Variants in GLRA3 observed in about 807,000 individuals in gnomAD.
The protein encoded by GLRA3 is glycine receptor alpha 3.
A neutral mutation model predicts 60.4 loss-of-function variants in GLRA3; 44 were observed. That is an observed-to-expected ratio of 0.73 (90% CI 0.57 to 0.94). The LOEUF is 0.94. Ranked by LOEUF, GLRA3 falls within the 40% of genes least tolerant of loss-of-function variation. The pLI is 0.00. For synonymous variants in GLRA3, 223 were observed against 192.9 expected, an observed-to-expected ratio of 1.16 and a Z score of -1.29; for missense variants, 508 against 564.6, an observed-to-expected ratio of 0.90 and a Z score of 1.02.
intron 5 of GLRA3, among the ~76,000 whole-genome samples, chr4:174,690,478 G>C (rs1017742842): frequency 6.6e-6 from 1 of 152,194 alleles, no homozygotes; most frequent in Non-Finnish European, 1.5e-5. Context: ...TTGTTGTGTA[G>C]TTTTTGTTTG....
At position 174,711,446 on chromosome 4, in the gene GLRA3, T is replaced by TATA. The variant is rs70947457; in HGVS notation, c.574+4041_574+4042insTAT. Among the ~76,000 whole-genome samples, 1,333 of 137,368 alleles carry TATA rather than the reference T, an allele frequency of 9.7e-3. 12 individuals carry two copies. Among genetic ancestry groups the TATA allele is most frequent in the African/African-American group, 0.014 (528 of 37,592 alleles). The allele number at this position is 137,368 out of a possible 152,430, so 90.1% of individuals were successfully genotyped here. On this transcript the variant is annotated intron_variant, in intron 5 of 9. Coordinates refer to ENST00000274093, the MANE Select transcript of GLRA3 (RefSeq NM_006529.4). The stretch of plus-strand genomic sequence containing the variant: ...TTTCCTAATTATATATATATATATA[T>TATA]TTTTTTTTTTTTTAGAGAGAGTCTC...
At chr4:174,690,993 C>G (rs996980410) in intron 5 of GLRA3, among the ~76,000 whole-genome samples, 1 of 152,110 alleles carries the variant, frequency 6.6e-6, no homozygotes, top group Non-Finnish European at 1.5e-5. Context: ...GTGCATGTGT[C>G]TTTATGGTAC....
intron 7 of GLRA3, among the ~76,000 whole-genome samples, chr4:174,667,510 T>A (rs1191205903): frequency 6.6e-6 from 1 of 152,104 alleles, no homozygotes; most frequent in African/African-American, 2.4e-5. Flanking sequence ...GTCCCCTGAT[T>A]TTCTGCCAAA....
At chr4:174,695,267 C>T (rs1735003972) in intron 5 of GLRA3, among the ~76,000 whole-genome samples, 1 of 151,928 alleles carries the variant, frequency 6.6e-6, no homozygotes, top group African/African-American at 2.4e-5. Flanking sequence ...GATACTAAAA[C>T]CTGGCAAAGA....
intron 1 of GLRA3, among the ~76,000 whole-genome samples, chr4:174,800,996 T>G (rs1030107068): frequency 1.3e-5 from 2 of 152,088 alleles, no homozygotes; most frequent in African/African-American, 4.8e-5. Context: ...TATTAGATGA[T>G]TTTGTCCAAC....
chr4:174,652,032 G>A (rs1733039034), intron 9 of GLRA3, among the ~76,000 whole-genome samples: 1 of 151,732 alleles, frequency 6.6e-6, no homozygotes, highest in Non-Finnish European at 1.5e-5. Context: ...TTTTTTTAAT[G>A]ACCTAAACAA....
chr4:174,680,435 A>C (rs913842020), intron 6 of GLRA3, among the ~76,000 whole-genome samples: 5 of 152,222 alleles, frequency 3.3e-5, no homozygotes, highest in African/African-American at 1.2e-4. Context: ...TGGTGAAAGC[A>C]GAATTTGGGC....
intron 6 of GLRA3, among the ~76,000 whole-genome samples, chr4:174,681,586 T>C (rs1481447197): frequency 6.6e-6 from 1 of 152,058 alleles, no homozygotes; most frequent in Non-Finnish European, 1.5e-5. Flanking sequence ...TTTCCAGAAA[T>C]AGGTAGTCAG....
chr4:174,640,722 T>C lies in GLRA3; in HGVS notation c.*3064A>G, dbSNP rs1488463124. 1 of 152,004 alleles carries C rather than the reference T, an allele frequency of 6.6e-6. No homozygotes were observed. The highest frequency in any genetic ancestry group is 1.5e-5 in the Non-Finnish European group (1 of 67,942). The allele number at this position is 152,004 out of a possible 1,614,324, so 9.4% of individuals were successfully genotyped here. A position where few individuals can be genotyped will look rare whatever the true frequency, so the allele number is the denominator to read the frequency against. ...TCATAAACTAATACATGAATTCATG[T>C]CTTAGGGATATATAAATATACAAGC... On this transcript the variant is annotated 3_prime_UTR_variant, in exon 10 of 10. Transcript: ENST00000274093.
chr4:174,746,231 T>C (rs1737240890), intron 3 of GLRA3, among the ~76,000 whole-genome samples: 1 of 152,156 alleles, frequency 6.6e-6, no homozygotes, highest in South Asian at 2.1e-4. Context: ...AGCAAAGATA[T>C]GGAATAAACC....
chr4:174,706,742 C>G (rs1240880207), intron 5 of GLRA3, among the ~76,000 whole-genome samples: 3 of 150,650 alleles, frequency 2.0e-5, no homozygotes, highest in Admixed American at 6.6e-5. Context: ...GATGAGATTG[C>G]TGATGCTATA....
At chr4:174,785,707 G>A (rs895732994) in intron 2 of GLRA3, among the ~76,000 whole-genome samples, 1 of 152,074 alleles carries the variant, frequency 6.6e-6, no homozygotes, top group Non-Finnish European at 1.5e-5. Context: ...GTGTGTTTAG[G>A]AAGAAGTGAG....
intron 1 of GLRA3, among the ~76,000 whole-genome samples, chr4:174,804,379 T>C (rs2111350032): frequency 6.6e-6 from 1 of 152,264 alleles, no homozygotes; most frequent in Non-Finnish European, 1.5e-5. Context: ...TGTAGTGCCT[T>C]ACAGATCATA....
intron 3 of GLRA3, among the ~76,000 whole-genome samples, chr4:174,730,770 C>T (rs2111139625): frequency 6.6e-6 from 1 of 152,228 alleles, no homozygotes; most frequent in Non-Finnish European, 1.5e-5. Flanking sequence ...GTCACCAAGG[C>T]CAAATGTTAT....
At chr4:174,652,061 A>G (rs1035979425) in intron 9 of GLRA3, among the ~76,000 whole-genome samples, 10 of 152,050 alleles carry the variant, frequency 6.6e-5, no homozygotes, top group Non-Finnish European at 1.5e-4. Context: ...AGCATGGATG[A>G]AGCTTTTCTA....
At chr4:174,704,614 A>G (rs996264301) in intron 5 of GLRA3, among the ~76,000 whole-genome samples, 2 of 144,054 alleles carry the variant, frequency 1.4e-5, no homozygotes, top group Non-Finnish European at 3.1e-5. Flanking sequence ...AAAAGAATTC[A>G]AAGCAGGGTC....
At chr4:174,650,581 T>G (rs1732989743) in intron 9 of GLRA3, among the ~76,000 whole-genome samples, 2 of 152,124 alleles carry the variant, frequency 1.3e-5, no homozygotes, top group Admixed American at 1.3e-4. Context: ...CAAAGGAATC[T>G]GAAAGGCATC....
intron 3 of GLRA3, among the ~76,000 whole-genome samples, chr4:174,761,821 C>T (rs913848942): frequency 1.3e-5 from 2 of 152,118 alleles, no homozygotes; most frequent in African/African-American, 4.8e-5. Context: ...TGAATGTGTG[C>T]ACTTTGTATT....
intron 3 of GLRA3, among the ~76,000 whole-genome samples, chr4:174,755,286 G>A (rs1049549383): frequency 6.6e-6 from 1 of 152,126 alleles, no homozygotes; most frequent in African/African-American, 2.4e-5. Flanking sequence ...GTCGCTAGCT[G>A]TTAATGATAC....
Sources: gnomAD v4.1 joint callset for allele counts (sites outside exome capture counted in the v4.1 genomes callset) on GRCh38, gnomAD v4.1.1 for gene constraint, MANE v1.5 for transcripts, NCBI Gene and HGNC (gene_info 2026-07-23, HGNC 2026-07-21) for gene names.